Variants in VPS4B observed in about 807,000 individuals in gnomAD.
VPS4B encodes vacuolar protein sorting-associated protein 4B.
VPS4B carries 23 observed loss-of-function variants against 56.1 expected under a neutral mutation model. That is an observed-to-expected ratio of 0.41 (90% confidence interval 0.30 to 0.58). The LOEUF (loss-of-function observed/expected upper bound fraction) is 0.58. VPS4B is among the 20% of genes least tolerant of loss of function. VPS4B has a pLI of 0.29. For missense variants in VPS4B, 372 were observed against 531.9 expected (o/e 0.70, Z 2.96); for synonymous variants, 177 against 186.0 (o/e 0.95, Z 0.39).
intron 1 of VPS4B, among the ~76,000 whole-genome samples, chr18:63,418,237 C>T (rs776582747): frequency 6.6e-6 from 1 of 152,128 alleles, no homozygotes; most frequent in Non-Finnish European, 1.5e-5. Flanking sequence ...CAAAGAATAC[C>T]CATGTTCATC....
chr18:63,418,163 C>T (rs1171827977), intron 1 of VPS4B, among the ~76,000 whole-genome samples: 2 of 152,182 alleles, frequency 1.3e-5, no homozygotes, highest in Non-Finnish European at 2.9e-5. Flanking sequence ...CACCATCACT[C>T]CTCAGCTCCT....
intron 4 of VPS4B, among the ~76,000 whole-genome samples, chr18:63,405,443 G>A (rs1261541327): frequency 6.6e-6 from 1 of 151,852 alleles, no homozygotes; most frequent in Non-Finnish European, 1.5e-5. Flanking sequence ...AGATACAATA[G>A]TATGAAATCC....
intron 1 of VPS4B, among the ~76,000 whole-genome samples, chr18:63,412,258 T>C (rs1916060394): frequency 6.6e-6 from 1 of 152,166 alleles, no homozygotes; most frequent in Non-Finnish European, 1.5e-5. Flanking sequence ...ATAATGGGCA[T>C]TTTTAAAAAG....
intron 9 of VPS4B, chr18:63,396,246 G>A (rs1192058928): frequency 1.3e-5 from 2 of 151,980 alleles, no homozygotes; most frequent in African/African-American, 4.8e-5. Context: ...ACATTAGGAT[G>A]ATTAATAAGG....
intron 5 of VPS4B, among the ~76,000 whole-genome samples, chr18:63,401,018 G>A (rs1194960312): frequency 2.0e-5 from 3 of 152,090 alleles, no homozygotes; most frequent in Non-Finnish European, 4.4e-5. Flanking sequence ...AGTCTAGTAG[G>A]GGAAAAGAGT....
chr18:63,407,657 T>G (rs1915947033), intron 3 of VPS4B, among the ~76,000 whole-genome samples, 158 bp from the exon 4 acceptor site: 1 of 152,132 alleles, frequency 6.6e-6, no homozygotes. Context: ...ATGTAGTAAA[T>G]AAGAAGCAGT....
intron 10 of VPS4B, among the ~76,000 whole-genome samples, chr18:63,392,990 C>T (rs1285670305): frequency 6.6e-6 from 1 of 152,120 alleles, no homozygotes; most frequent in Admixed American, 6.5e-5. Context: ...AAGTGGTCTG[C>T]CCGCCTTGGC....
intron 3 of VPS4B, among the ~76,000 whole-genome samples, chr18:63,409,560 T>A (rs570344868): frequency 5.5e-4 from 84 of 152,332 alleles, no homozygotes; most frequent in Non-Finnish European, 1.0e-3. Context: ...CCAGAGAGGA[T>A]GTGGTTAGAA....
intron 5 of VPS4B, among the ~76,000 whole-genome samples, chr18:63,401,007 G>C (rs1222341019): frequency 6.6e-6 from 1 of 152,318 alleles, no homozygotes; most frequent in Middle Eastern, 3.4e-3. Context: ...GCCCTGCGTG[G>C]AGTCTAGTAG....
intron 9 of VPS4B, among the ~76,000 whole-genome samples, chr18:63,394,445 G>C (rs1915624804): frequency 6.6e-6 from 1 of 151,128 alleles, no homozygotes; most frequent in Admixed American, 6.6e-5. Context: ...GATGGCAATA[G>C]TCTGCATCAA....
intron 1 of VPS4B, among the ~76,000 whole-genome samples, chr18:63,413,825 G>A (rs1916102359): frequency 6.6e-6 from 1 of 152,214 alleles, no homozygotes; most frequent in African/African-American, 2.4e-5. Context: ...CTGTAAATGG[G>A]AGGAACAGGT....
chr18:63,400,484 T>C (rs1338386311), intron 6 of VPS4B, 63 bp downstream of exon 6: 2 of 1,489,856 alleles, frequency 1.3e-6, no homozygotes, highest in Non-Finnish European at 1.8e-6. Flanking sequence ...AAGAAATCTA[T>C]TAAGGAGTGA....
At chr18:63,415,073 C>A (rs146659603) in intron 1 of VPS4B, among the ~76,000 whole-genome samples, 4 of 152,308 alleles carry the variant, frequency 2.6e-5, no homozygotes, top group East Asian at 1.9e-4. Flanking sequence ...ACACGTTAAA[C>A]CTTTAATCGA....
intron 1 of VPS4B, chr18:63,415,412 G>A (rs755739272): frequency 3.3e-5 from 9 of 272,484 alleles, no homozygotes; most frequent in Non-Finnish European, 4.6e-5. Context: ...ACATGCACTC[G>A]CCGTTCCCTC....
rs536569735 is a variant in VPS4B at position 63,407,785 on chromosome 18, T to C, written c.297-286A>G. Among the ~76,000 whole-genome samples, 96 of 152,328 alleles carry C rather than the reference T, an allele frequency of 6.3e-4. 1 individual carries two copies. Among genetic ancestry groups the C allele is most frequent in the African/African-American group, 2.1e-3 (86 of 41,580 alleles). ...AGGTATGTATTAATTCATAAATGCA[T>C]GCCCCACACATCACTCCATGAAGGA... On this transcript the variant is annotated intron_variant, in intron 3 of 10. Transcript: ENST00000238497.
intron 3 of VPS4B, among the ~76,000 whole-genome samples, chr18:63,409,465 C>G (rs906228225): frequency 6.6e-6 from 1 of 152,144 alleles, no homozygotes; most frequent in African/African-American, 2.4e-5. Context: ...TTTTCAAACC[C>G]AAGCAGGCCA....
chr18:63,417,526 CTCTCT>C (rs1916196055), intron 1 of VPS4B, among the ~76,000 whole-genome samples: 1 of 152,138 alleles, frequency 6.6e-6, no homozygotes, highest in Admixed American at 6.5e-5. Context: ...TTGATTCTTC[CTCTCT>C]TATGTGACAA....
rs1915504913 is a variant in VPS4B, at chr18:63,389,890, C to T, written c.*1085G>A. 1 of 152,608 alleles carries T rather than the reference C, an allele frequency of 6.6e-6. No homozygotes were observed. The highest frequency in any genetic ancestry group is 2.1e-4 in the South Asian group (1 of 4,834). 9.5% of individuals were successfully genotyped at this position (152,608 alleles called of 1,614,324 possible). ...AGTATTTCATGACAGTTAAAAATTA[C>T]ACACCTACCACCTGTTTTGGTCAAT... On this transcript the variant is annotated 3_prime_UTR_variant, in exon 11 of 11. Transcript: ENST00000238497.
At position 63,391,081 on chromosome 18, in the gene VPS4B, C is replaced by G. The variant is rs1301610013; in HGVS notation, c.1234-5G>C. ...TAGTGACCGCAACATATCCGACTGT[C>G]AGGGAAAAAGAAGGGTAGGGAGGAT... is the stretch of plus-strand genomic sequence containing the variant. On this transcript the variant is annotated splice_polypyrimidine_tract_variant and splice_region_variant and intron_variant, in intron 10 of 10. Coordinates refer to ENST00000238497, the MANE Select transcript of VPS4B (RefSeq NM_004869.4). The G allele has an allele frequency of 6.3e-7, 1 of 1,592,978 alleles. No homozygotes were observed. Among genetic ancestry groups the G allele is most frequent in the Non-Finnish European group, 8.6e-7 (1 of 1,162,484 alleles).
Sources: allele counts gnomAD v4.1 joint callset (sites outside exome capture counted in the v4.1 genomes callset), GRCh38; gene constraint gnomAD v4.1.1; transcripts MANE v1.5; gene names NCBI Gene and HGNC (gene_info 2026-07-23, HGNC 2026-07-21).